Variants in ALDH1A3 observed in about 807,000 individuals in gnomAD.
The protein encoded by ALDH1A3 is aldehyde dehydrogenase 1 family member A3.
A neutral mutation model predicts 57.5 loss-of-function variants in ALDH1A3; 28 were observed. The ratio of observed to expected loss-of-function variants is 0.49; its 90% CI spans 0.36 to 0.67. The LOEUF is 0.67. Ranked by LOEUF, ALDH1A3 falls within the 30% of genes least tolerant of loss-of-function variation. The pLI, the probability that ALDH1A3 is intolerant of heterozygous loss-of-function variation, is 0.00. For missense variants in ALDH1A3, 507 were observed against 669.4 expected (o/e 0.76, Z 2.68); for synonymous variants, 281 against 264.8 (o/e 1.06, Z -0.59).
At chr15:100,905,965 C>T (rs2041818798) in intron 10 of ALDH1A3, among the ~76,000 whole-genome samples, 1 of 152,140 alleles carries the variant, frequency 6.6e-6, no homozygotes, top group Non-Finnish European at 1.5e-5. Context: ...TCTCTGGGAG[C>T]AGCAAGCCCT....
Position 100,887,942 on chromosome 15 carries a change from C to T in ALDH1A3, c.345+230C>T, listed in dbSNP as rs899739440. 1.3e-5 allele frequency among the ~76,000 whole-genome samples: 2 copies of T among 152,148 alleles called. No homozygotes were observed. Among genetic ancestry groups the T allele is most frequent in the Non-Finnish European group, 2.9e-5 (2 of 68,028 alleles). ...TGTCCTCTGCAGCTCAGCTTCTTGA[C>T]CAAGTTGTTGTCTATAGGCAGTTGA... On this transcript the variant is annotated intron_variant, in intron 3 of 12. Transcript: ENST00000329841. The surrounding 1 kb of genome is among the most constrained non-coding windows in gnomAD (Gnocchi z 4.6).
At chr15:100,914,072 G>GT (rs2041907837) in intron 12 of ALDH1A3, 1 of 152,404 alleles carries the variant, frequency 6.6e-6, no homozygotes, top group South Asian at 2.1e-4. Context: ...CCAAGGATGT[G>GT]AACCCAAAAG....
At chr15:100,909,426 G>C (rs1469732149) in intron 12 of ALDH1A3, among the ~76,000 whole-genome samples, 1 of 143,002 alleles carries the variant, frequency 7.0e-6, no homozygotes, top group Admixed American at 6.9e-5. Context: ...CCTCCACTGT[G>C]TGTGCAAACC....
chr15:100,907,751 A>G (rs2141570956), intron 11 of ALDH1A3, among the ~76,000 whole-genome samples: 1 of 152,180 alleles, frequency 6.6e-6, no homozygotes, highest in Middle Eastern at 3.4e-3. Flanking sequence ...TCATATAACC[A>G]GGAAGCAGGA....
chr15:100,886,989 C>T (rs1422385101), intron 2 of ALDH1A3, among the ~76,000 whole-genome samples: 1 of 152,232 alleles, frequency 6.6e-6, no homozygotes, highest in African/African-American at 2.4e-5. Context: ...TGTGCGTTCA[C>T]ACTGAGGCAG....
At chr15:100,905,747 C>G in intron 10 of ALDH1A3, 60 bp downstream of exon 10, 1 of 1,454,770 alleles carries the variant, frequency 6.9e-7, no homozygotes, top group Non-Finnish European at 9.2e-7. Context: ...GAGTCCTTCC[C>G]TAGGGCCCAG....
intron 8 of ALDH1A3, 110 bp from the exon 9 acceptor site, chr15:100,900,465 G>C: frequency 1.0e-6 from 1 of 975,322 alleles, no homozygotes; most frequent in East Asian, 2.7e-5. Context: ...GCCATCCTGG[G>C]GCCTGTTTTC....
chr15:100,887,618 G>C lies in ALDH1A3; in HGVS notation c.251G>C (p.Arg84Thr). Residue 84 changes from arginine to threonine, a missense_variant, in exon 3 of 13, where the codon AGG (arginine) becomes ACG (threonine). By Grantham distance (71) the Arg-to-Thr change is moderately conservative (BLOSUM62 -1). Transcript: ENST00000329841. The surrounding 1 kb of genome is among the most constrained non-coding windows in gnomAD (Gnocchi z 4.6). Reference protein sequence around the residue: ...AVEAAQVAFQRGSPWRRLDAL... With the variant: ...AVEAAQVAFQTGSPWRRLDAL... ...GAGGCTGCACAGGTTGCCTTCCAGA[G>C]GGGCTCGCCATGGCGCCGGCTGGAT... 1.2e-6 allele frequency: 2 copies of C among 1,611,626 alleles called. No homozygotes were observed. The highest frequency in any genetic ancestry group is 1.3e-5 in the African/African-American group (1 of 75,018).
rs1007040444 is a variant in ALDH1A3, at chr15:100,896,008, C to T, written c.742C>T (p.Pro248Ser). 6.2e-7 allele frequency: 1 copy of T among 1,613,164 alleles called. No homozygotes were observed. Among genetic ancestry groups the T allele is most frequent in the Non-Finnish European group, 8.5e-7 (1 of 1,179,692 alleles). The change falls in exon 7 of 13, where the codon CCT (proline) becomes TCT (serine). Residue 248 changes from proline (P) to serine (S), a missense_variant. By Grantham distance (74) the Pro-to-Ser change is moderately conservative. Coordinates refer to ENST00000329841, the MANE Select transcript of ALDH1A3 (RefSeq NM_000693.4). ...AGTGGGAGCAGCAATTTCTTCTCACCCTCAGATCAACAAGATCGCCTTCAC... is the reference window on the plus strand; with the variant it reads ...AGTGGGAGCAGCAATTTCTTCTCACTCTCAGATCAACAAGATCGCCTTCAC... Reference protein sequence around the residue: ...PTVGAAISSHPQINKIAFTGS... With the variant: ...PTVGAAISSHSQINKIAFTGS...
At chr15:100,896,067 C>G in intron 7 of ALDH1A3, 21 bp downstream of exon 7, 1 of 1,577,478 alleles carries the variant, frequency 6.3e-7, no homozygotes. Flanking sequence ...TCACAGGGTG[C>G]TGGGGAAAGT....
rs142759826 is a variant in ALDH1A3, at chr15:100,886,177, C to T, written c.204+806C>T. Among the ~76,000 whole-genome samples the T allele has an allele frequency of 5.1e-3, 773 of 152,324 alleles. 7 individuals carry two copies. Among genetic ancestry groups the T allele is most frequent in the African/African-American group, 0.017 (713 of 41,572 alleles). On this transcript the variant is annotated intron_variant, in intron 2 of 12. Coordinates refer to ENST00000329841, the MANE Select transcript of ALDH1A3 (RefSeq NM_000693.4). ...TTATCTTGCCCATGAGTTTTTGTGA[C>T]AGACGTGCAAATGCACACTGGCCCC...
At chr15:100,888,119 G>A (rs1001531001) in intron 3 of ALDH1A3, among the ~76,000 whole-genome samples, 6 of 151,644 alleles carry the variant, frequency 4.0e-5, no homozygotes, top group Non-Finnish European at 5.9e-5. Context: ...ATTTTTTTGA[G>A]ACAGAGTCTC....
intron 12 of ALDH1A3, among the ~76,000 whole-genome samples, chr15:100,909,263 C>T (rs549008563): frequency 1.7e-5 from 2 of 115,470 alleles, no homozygotes; most frequent in East Asian, 3.0e-4. Flanking sequence ...GTGTGCAAAC[C>T]CACTGCAAAC....
At chr15:100,895,693 A>G in intron 6 of ALDH1A3, 1 of 556,924 alleles carries the variant, frequency 1.8e-6, no homozygotes, top group Non-Finnish European at 3.2e-6. Context: ...GTCCCCCCCC[A>G]GAAGGAGAAG....
At chr15:100,883,083 A>C (rs2041561651) in intron 1 of ALDH1A3, among the ~76,000 whole-genome samples, 1 of 152,226 alleles carries the variant, frequency 6.6e-6, no homozygotes, top group African/African-American at 2.4e-5. Context: ...GAAGTATAGC[A>C]GTATAGCAGA....
intron 8 of ALDH1A3, among the ~76,000 whole-genome samples, chr15:100,898,839 C>CA (rs1461976897): frequency 2.6e-5 from 4 of 152,170 alleles, no homozygotes; most frequent in African/African-American, 9.7e-5. Context: ...GCCATGTCCA[C>CA]AAGAGGGAAG....
chr15:100,896,722 G>T (rs552093741), intron 7 of ALDH1A3, among the ~76,000 whole-genome samples: 1 of 152,160 alleles, frequency 6.6e-6, no homozygotes, highest in East Asian at 1.9e-4. Context: ...ACTACTTAGA[G>T]AAATTTTCTC....
At chr15:100,905,284 G>A (rs1260970358) in intron 9 of ALDH1A3, among the ~76,000 whole-genome samples, 1 of 152,202 alleles carries the variant, frequency 6.6e-6, no homozygotes, top group East Asian at 1.9e-4. Context: ...GTGTAAATAT[G>A]TCCCAAACCT....
intron 1 of ALDH1A3, among the ~76,000 whole-genome samples, chr15:100,882,913 C>G (rs189237526): frequency 1.1e-3 from 173 of 152,274 alleles, no homozygotes; most frequent in African/African-American, 4.1e-3. Context: ...TTACTTACTA[C>G]TGTAGTGTGG....
Sources: gnomAD v4.1 joint callset for allele counts (sites outside exome capture counted in the v4.1 genomes callset) on GRCh38, gnomAD v4.1.1 for gene constraint, Gnocchi (gnomAD v3.1) non-coding constraint, MANE v1.5 for transcripts, NCBI Gene and HGNC (gene_info 2026-07-23, HGNC 2026-07-21) for gene names.